Variants in RBM47 observed in about 807,000 individuals in gnomAD.
The protein encoded by RBM47 is RNA-binding protein 47.
Under a neutral mutation model 47.1 loss-of-function variants are expected in RBM47, and 21 were observed. That is an observed-to-expected ratio of 0.45 (90% CI 0.32 to 0.64). RBM47 has a LOEUF of 0.64. RBM47 is among the 30% of genes least tolerant of loss of function. The probability of loss-of-function intolerance (pLI) is 0.05; values close to 1 mark genes in which losing one functional copy is unlikely to be tolerated. For synonymous variants in RBM47, 375 were observed against 361.7 expected, an observed-to-expected ratio of 1.04 and a Z score of -0.42; for missense variants, 708 against 870.9, an observed-to-expected ratio of 0.81 and a Z score of 2.35.
intron 2 of RBM47, among the ~76,000 whole-genome samples, chr4:40,513,905 G>T (rs1725256186): frequency 1.3e-5 from 2 of 151,996 alleles, no homozygotes; most frequent in Admixed American, 6.6e-5. Context: ...TTTTGGTAGA[G>T]ATGGGGTTTC....
At position 40,516,261 on chromosome 4, in the gene RBM47, C is replaced by CTT. The variant is rs541606790; in HGVS notation, c.-155+28159_-155+28160dup. 6.4e-4 allele frequency among the ~76,000 whole-genome samples: 85 copies of CTT among 133,126 alleles called. 1 individual carries two copies. The highest frequency in any genetic ancestry group is 9.2e-4 in the Non-Finnish European group (58 of 62,868). The allele number at this position is 133,126 out of a possible 152,430, so 87.3% of individuals were successfully genotyped here. ...CGATGATTCTCTTTTTCTTTTCTTT[C>CTT]TTTTTTTTTTTTTTTTTGAGACGGA... is the stretch of plus-strand genomic sequence containing the variant. On this transcript the variant is annotated intron_variant, in intron 2 of 6. Transcript: ENST00000295971.
At chr4:40,589,939 C>A (rs1458766449) in intron 1 of RBM47, among the ~76,000 whole-genome samples, 1 of 152,010 alleles carries the variant, frequency 6.6e-6, no homozygotes, top group Non-Finnish European at 1.5e-5. Flanking sequence ...TTGATAGAAT[C>A]CTGAGCCCAA....
intron 1 of RBM47, among the ~76,000 whole-genome samples, chr4:40,585,810 T>C (rs1389968785): frequency 6.6e-6 from 1 of 152,250 alleles, no homozygotes; most frequent in African/African-American, 2.4e-5. Flanking sequence ...TCACTGCTGA[T>C]GCCCAGCAGC....
At chr4:40,432,909 C>A in intron 5 of RBM47, 47 bp from the exon 6 acceptor site, 1 of 1,606,756 alleles carries the variant, frequency 6.2e-7, no homozygotes, top group Non-Finnish European at 8.5e-7. Flanking sequence ...CTTTCAGTCG[C>A]TGAGTGGGGT....
chr4:40,431,002 T>G (rs1465932346), intron 6 of RBM47, among the ~76,000 whole-genome samples: 1 of 152,016 alleles, frequency 6.6e-6, no homozygotes, highest in Non-Finnish European at 1.5e-5. Context: ...GAGGATTGCT[T>G]GAACCAGGGA....
chr4:40,572,675 G>C (rs1366914431), intron 1 of RBM47, among the ~76,000 whole-genome samples: 1 of 151,616 alleles, frequency 6.6e-6, no homozygotes, highest in African/African-American at 2.4e-5. Context: ...GAGATGGGAG[G>C]ATCACTTAAG....
intron 2 of RBM47, among the ~76,000 whole-genome samples, chr4:40,509,273 G>A (rs867044911): frequency 6.6e-6 from 1 of 151,792 alleles, no homozygotes; most frequent in African/African-American, 2.4e-5. Flanking sequence ...CTTCATAATT[G>A]TAGACATCAC....
chr4:40,610,529 G>A (rs1388219146), intron 1 of RBM47, among the ~76,000 whole-genome samples: 3 of 147,532 alleles, frequency 2.0e-5, no homozygotes, highest in African/African-American at 7.6e-5. Context: ...CAAATGGCGT[G>A]AACCCGGGCG....
intron 1 of RBM47, among the ~76,000 whole-genome samples, chr4:40,626,739 G>A (rs1737777875): frequency 6.6e-6 from 1 of 152,172 alleles, no homozygotes; most frequent in Admixed American, 6.6e-5. Context: ...AGACGGGGAA[G>A]CAACTATGAG....
At chr4:40,576,211 G>C (rs1349418490) in intron 1 of RBM47, among the ~76,000 whole-genome samples, 3 of 145,680 alleles carry the variant, frequency 2.1e-5, no homozygotes, top group Non-Finnish European at 4.5e-5. Flanking sequence ...CCTTTCTTCA[G>C]CCTATTTCTT....
intron 1 of RBM47, among the ~76,000 whole-genome samples, chr4:40,612,857 A>C (rs1379577203): frequency 6.6e-6 from 1 of 152,224 alleles, no homozygotes; most frequent in African/African-American, 2.4e-5. Context: ...TATGATCTTC[A>C]TCCCCTAGGC....
intron 1 of RBM47, among the ~76,000 whole-genome samples, chr4:40,585,825 A>ATCAT (rs996510274): frequency 1.1e-4 from 17 of 152,228 alleles, no homozygotes; most frequent in African/African-American, 3.9e-4. Flanking sequence ...AGCAGCAAAT[A>ATCAT]TCATATCTGG....
rs1415887443 is a variant in RBM47 at position 40,466,706 on chromosome 4, G to T, written c.-154-7C>A. 7.3e-6 allele frequency: 1 copy of T among 136,686 alleles called. No individual in the cohort carries two copies. Among genetic ancestry groups the T allele is most frequent in the Non-Finnish European group, 1.5e-5 (1 of 65,210 alleles). The allele number at this position is 136,686 out of a possible 1,614,324, so 8.5% of individuals were successfully genotyped here. On this transcript the variant is annotated splice_polypyrimidine_tract_variant and splice_region_variant and intron_variant, in intron 2 of 6. Coordinates refer to ENST00000295971, the MANE Select transcript of RBM47 (RefSeq NM_001098634.2). ...GTGCCCTTTGAGGCAAATCCTAAGG[G>T]TTAAAAAAGAAATGGTTAGAAATAT... is the stretch of plus-strand genomic sequence containing the variant.
At chr4:40,462,911 C>G (rs1422171070) in intron 3 of RBM47, among the ~76,000 whole-genome samples, 6 of 151,912 alleles carry the variant, frequency 3.9e-5, no homozygotes, top group African/African-American at 1.5e-4. Context: ...TTTGGACAAC[C>G]CCAAAAGCAC....
intron 3 of RBM47, 31 bp from the exon 4 acceptor site, chr4:40,438,955 A>G (rs1713200667): frequency 6.9e-7 from 1 of 1,459,000 alleles, no homozygotes; most frequent in East Asian, 2.4e-5. Context: ...GTGAGTGGGG[A>G]ACCGCTGGAT....
rs750646501 is a variant in RBM47, at chr4:40,566,263, G to A, written c.-239-21757C>T. On this transcript the variant is annotated intron_variant, in intron 1 of 6. Coordinates refer to ENST00000295971, the MANE Select transcript of RBM47 (RefSeq NM_001098634.2). ...CAGACTTGACCTTCAGGTTAGCTGG[G>A]TGCTCATTCTCACAATAAGTCACTG... 5.7e-4 allele frequency among the ~76,000 whole-genome samples: 87 copies of A among 152,266 alleles called. 1 individual carries two copies. In the Middle Eastern group the frequency reaches 0.01, roughly 18 times the overall value.
intron 1 of RBM47, among the ~76,000 whole-genome samples, chr4:40,592,927 A>T (rs1430923361): frequency 4.0e-5 from 5 of 123,554 alleles, no homozygotes; most frequent in African/African-American, 9.2e-5. Context: ...CAATGCAAAC[A>T]ATTTGGGACA....
intron 1 of RBM47, among the ~76,000 whole-genome samples, chr4:40,585,206 T>C (rs139964058): frequency 3.3e-5 from 5 of 152,322 alleles, no homozygotes; most frequent in Middle Eastern, 3.4e-3. Flanking sequence ...TCCATGTTAG[T>C]TAAACTAGGA....
intron 2 of RBM47, among the ~76,000 whole-genome samples, chr4:40,539,739 C>CAAAAAAAAAAAAAAAAAAAAAAAA (rs56005602): frequency 1.8e-5 from 1 of 56,330 alleles, no homozygotes; most frequent in African/African-American, 6.9e-5. Context: ...GACTCTGTCT[C>CAAAAAAAAAAAAAAAAAAAAAAAA]AAAAAAAAAA....
Sources: gnomAD v4.1 joint callset for allele counts (sites outside exome capture counted in the v4.1 genomes callset) on GRCh38, gnomAD v4.1.1 for gene constraint, MANE v1.5 for transcripts, NCBI Gene and HGNC (gene_info 2026-07-23, HGNC 2026-07-21) for gene names.